The following MAF variants were observed in gnomAD, a reference collection of about 807,000 sequenced individuals.
The protein encoded by MAF is transcription factor Maf.
Under a neutral mutation model 22.0 loss-of-function variants are expected in MAF, and 10 were observed. The observed-to-expected ratio is 0.45, with a 90% CI of 0.28 to 0.77. The LOEUF (loss-of-function observed/expected upper bound fraction) is 0.77. Among genes scored for constraint, MAF ranks in the 30% least tolerant of loss-of-function variants. The pLI, the probability that MAF is intolerant of heterozygous loss-of-function variation, is 0.12. For synonymous variants in MAF, 337 were observed against 255.8 expected (o/e 1.32, Z -3.03); for missense variants, 544 against 548.4 (o/e 0.99, Z 0.08).
the MAF span, among the ~76,000 whole-genome samples, chr16:79,554,123 A>C: frequency 8.3e-3 from 444 of 53,620 alleles, 1 homozygote; most frequent in South Asian, 0.019. Flanking sequence ...ACAAACAAAC[A>C]AACAAAACCA....
the MAF span, chr16:79,211,789 C>G: frequency 5.6e-6 from 9 of 1,613,962 alleles, no homozygotes; most frequent in Admixed American, 1.0e-4. Flanking sequence ...GGCAGCCAGT[C>G]CGGCTAAGTG....
At chr16:79,328,327 A>G in the MAF span, among the ~76,000 whole-genome samples, 2 of 152,064 alleles carry the variant, frequency 1.3e-5, no homozygotes, top group South Asian at 2.1e-4. Context: ...GGAAGAGCCT[A>G]GAGACAAGGA....
chr16:79,207,631 G>A, the MAF span, among the ~76,000 whole-genome samples: 1 of 152,144 alleles, frequency 6.6e-6, no homozygotes, highest in African/African-American at 2.4e-5. Flanking sequence ...ATATCTCATA[G>A]TTAAGTCTAC....
At chr16:79,378,139 A>G in the MAF span, among the ~76,000 whole-genome samples, 1 of 152,166 alleles carries the variant, frequency 6.6e-6, no homozygotes, top group Non-Finnish European at 1.5e-5. Flanking sequence ...TTTTCACAAT[A>G]TTGATTCTTC....
At chr16:79,272,418 C>T in the MAF span, among the ~76,000 whole-genome samples, 9 of 152,314 alleles carry the variant, frequency 5.9e-5, no homozygotes, top group Admixed American at 5.2e-4. Flanking sequence ...GCTGCCAGCC[C>T]CCTGGAGGCC....
chr16:79,418,403 GA>G, the MAF span, among the ~76,000 whole-genome samples: 4 of 152,092 alleles, frequency 2.6e-5, no homozygotes, highest in African/African-American at 7.2e-5. Flanking sequence ...TGGGGCTGGG[GA>G]CGATTATTCA....
At chr16:79,290,503 T>C in the MAF span, among the ~76,000 whole-genome samples, 8 of 152,146 alleles carry the variant, frequency 5.3e-5, no homozygotes, top group Non-Finnish European at 8.8e-5. Flanking sequence ...CACGGGGAAC[T>C]GAGTTTTAAT....
At chr16:79,453,791 G>C in the MAF span, among the ~76,000 whole-genome samples, 2 of 152,160 alleles carry the variant, frequency 1.3e-5, no homozygotes, top group Non-Finnish European at 2.9e-5. Context: ...ATTGGAGACT[G>C]GCTTTGACAG....
chr16:79,219,469 T>C, the MAF span, among the ~76,000 whole-genome samples: 2 of 141,698 alleles, frequency 1.4e-5, no homozygotes, highest in South Asian at 4.4e-4. Flanking sequence ...GAGAATGGCG[T>C]GAACCCGGGG....
chr16:79,355,728 G>A, the MAF span, among the ~76,000 whole-genome samples: 5 of 152,256 alleles, frequency 3.3e-5, no homozygotes, highest in African/African-American at 7.2e-5. Flanking sequence ...GTGGCAATCC[G>A]TGTTGAACTT....
chr16:79,568,822 G>A, the MAF span, among the ~76,000 whole-genome samples: 1 of 152,144 alleles, frequency 6.6e-6, no homozygotes, highest in East Asian at 1.9e-4. Flanking sequence ...TAACAGAAAT[G>A]GCAATAATAG....
chr16:79,384,659 A>C, the MAF span, among the ~76,000 whole-genome samples: 1 of 152,118 alleles, frequency 6.6e-6, no homozygotes, highest in Admixed American at 6.5e-5. Context: ...CAGGAGGCTG[A>C]GGCAGGAGAA....
chr16:79,302,164 A>C, the MAF span, among the ~76,000 whole-genome samples: 1 of 152,212 alleles, frequency 6.6e-6, no homozygotes, highest in Non-Finnish European at 1.5e-5. Context: ...CCTGGTAGCC[A>C]CGAGATGTGT....
chr16:79,244,990 G>A, the MAF span, among the ~76,000 whole-genome samples: 3 of 151,998 alleles, frequency 2.0e-5, no homozygotes, highest in African/African-American at 7.2e-5. Context: ...TTGATAAACG[G>A]TGTTGGGAAA....
chr16:79,307,350 G>A, the MAF span, among the ~76,000 whole-genome samples: 1 of 152,202 alleles, frequency 6.6e-6, no homozygotes, highest in African/African-American at 2.4e-5. Flanking sequence ...AGACGTGGTT[G>A]GTCCCCTTGT....
chr16:79,516,977 G>C, the MAF span, among the ~76,000 whole-genome samples: 1 of 152,172 alleles, frequency 6.6e-6, no homozygotes, highest in African/African-American at 2.4e-5. Flanking sequence ...TTCTAAGGCA[G>C]TTTCCACACT....
the MAF span, among the ~76,000 whole-genome samples, chr16:79,432,823 G>A: frequency 6.6e-6 from 1 of 152,152 alleles, no homozygotes; most frequent in South Asian, 2.1e-4. Flanking sequence ...TATCAAAGAT[G>A]GCAGCCAACT....
the MAF span, among the ~76,000 whole-genome samples, chr16:79,478,872 A>G: frequency 6.7e-6 from 1 of 150,278 alleles, no homozygotes; most frequent in African/African-American, 2.5e-5. Flanking sequence ...ATACCTATAT[A>G]CCATCTTAGT....
the MAF span, among the ~76,000 whole-genome samples, chr16:79,410,461 T>G: frequency 6.6e-6 from 1 of 152,272 alleles, no homozygotes; most frequent in Non-Finnish European, 1.5e-5. Flanking sequence ...TTGCAGAAGA[T>G]CATTTCCTAT....
Sources: allele counts gnomAD v4.1 joint callset (sites outside exome capture counted in the v4.1 genomes callset), GRCh38; gene constraint gnomAD v4.1.1; transcripts MANE v1.5; gene names NCBI Gene and HGNC (gene_info 2026-07-23, HGNC 2026-07-21).